The following HCK variants were observed in gnomAD, a reference collection of about 807,000 sequenced individuals.
HCK encodes tyrosine-protein kinase HCK.
Under a neutral mutation model 70.4 loss-of-function variants are expected in HCK, and 40 were observed. That is an observed-to-expected ratio of 0.57 (90% CI 0.44 to 0.74). The LOEUF is 0.74. Among genes scored for constraint, HCK ranks in the 30% least tolerant of loss-of-function variants. HCK has a pLI of 0.00. For missense variants in HCK, 568 were observed against 697.2 expected (o/e 0.81, Z 2.09); for synonymous variants, 245 against 263.2 (o/e 0.93, Z 0.67).
At chr20:32,078,234 A>G (rs2045656827) in intron 5 of HCK, among the ~76,000 whole-genome samples, 1 of 144,930 alleles carries the variant, frequency 6.9e-6, no homozygotes, top group Non-Finnish European at 1.5e-5. Flanking sequence ...TTTAGTCGAG[A>G]CGGGGTTTCA....
Position 32,101,472 on chromosome 20 carries a change from G to T in HCK, c.1534G>T (p.Asp512Tyr). The T allele has an allele frequency of 1.9e-6, 3 of 1,613,948 alleles. No homozygotes were observed. The highest frequency in any genetic ancestry group is 2.5e-6 in the Non-Finnish European group (3 of 1,179,954). Residue 512 changes from aspartate to tyrosine, a missense_variant, in exon 13 of 13, where the codon GAT becomes TAT. Asp to Tyr is a radical substitution (Grantham distance 160). Around this residue, in one of 4 missense-constraint regions of HCK, gnomAD observed 77 missense variants for 85.0 expected, o/e 0.91. Coordinates refer to ENST00000375852, the MANE Select transcript of HCK (RefSeq NM_002110.5). ...CTTCGAATACATCCAGAGTGTGCTG[G>T]ATGACTTCTACACGGCCACAGAGAG... is the stretch of plus-strand genomic sequence containing the variant.
intron 1 of HCK, among the ~76,000 whole-genome samples, chr20:32,052,859 G>C (rs2045201301): frequency 1.3e-5 from 2 of 151,830 alleles, no homozygotes; most frequent in South Asian, 4.2e-4. Flanking sequence ...AACCCGGGAA[G>C]GGGAAGGCCC....
At chr20:32,091,985 A>G (rs957808622) in intron 10 of HCK, among the ~76,000 whole-genome samples, 1 of 151,776 alleles carries the variant, frequency 6.6e-6, no homozygotes, top group Non-Finnish European at 1.5e-5. Flanking sequence ...CTCAAAAGAA[A>G]AAAAAAAAGA....
At chr20:32,093,803 G>A in intron 10 of HCK, 60 bp from the exon 11 acceptor site, 1 of 1,513,132 alleles carries the variant, frequency 6.6e-7, no homozygotes. Flanking sequence ...CTGCTTTTGG[G>A]TGGGGCCATC....
At chr20:32,100,450 CT>C (rs1569019165) in intron 12 of HCK, among the ~76,000 whole-genome samples, 1 of 152,142 alleles carries the variant, frequency 6.6e-6, no homozygotes. Context: ...AAAGATCTGA[CT>C]TGCTGACTTA....
chr20:32,088,223 T>TAA (rs1323435512), intron 9 of HCK, among the ~76,000 whole-genome samples: 1 of 152,180 alleles, frequency 6.6e-6, no homozygotes, highest in African/African-American at 2.4e-5. Flanking sequence ...CATTTTTTGA[T>TAA]AAACAGAATC....
chr20:32,066,331 T>TTTTTTTTTTTTTTTTTTTGA lies in HCK; in HGVS notation c.63-5331_63-5330insTTTTTTTTTTTTTTTTTTGA, dbSNP rs60044994. Among the ~76,000 whole-genome samples the TTTTTTTTTTTTTTTTTTTGA allele has an allele frequency of 1.1e-4, 9 of 81,910 alleles. 2 individuals carry two copies. In the East Asian group the frequency reaches 2.2e-3, roughly 20 times the overall value. The allele number at this position is 81,910 out of a possible 152,430, so 53.7% of individuals were successfully genotyped here. ...TTTTTTTTTTTTTTTTTTTTTTTTT[T>TTTTTTTTTTTTTTTTTTTGA]GACAGAGTCTTGCTCTGTTTCCCAG... On this transcript the variant is annotated intron_variant, in intron 1 of 12. Transcript: ENST00000375852.
At chr20:32,098,667 GC>G (rs906474125) in intron 11 of HCK, among the ~76,000 whole-genome samples, 1 of 152,110 alleles carries the variant, frequency 6.6e-6, no homozygotes, top group Admixed American at 6.6e-5. Flanking sequence ...TGGACTCAAG[GC>G]CCCCTGAAGT....
intron 8 of HCK, 42 bp downstream of exon 8, chr20:32,084,585 G>A (rs1326167131): frequency 6.4e-7 from 1 of 1,563,280 alleles, no homozygotes; most frequent in Non-Finnish European, 8.7e-7. Flanking sequence ...AGAGGGTGGA[G>A]GGGAGAGGGA....
chr20:32,086,714 G>A lies in HCK; in HGVS notation c.922G>A (p.Val308Met), dbSNP rs774332986. The A allele has an allele frequency of 3.1e-6, 5 of 1,613,250 alleles. No individual in the cohort carries two copies. Among genetic ancestry groups the A allele is most frequent in the South Asian group, 2.2e-5 (2 of 90,968 alleles). ...GGAGGCCTTCCTGGCAGAGGCCAACGTGATGAAAACTCTGCAGCATGACAA... is the reference window on the plus strand; with the variant it reads ...GGAGGCCTTCCTGGCAGAGGCCAACATGATGAAAACTCTGCAGCATGACAA... Residue 308 changes from valine (V) to methionine (M), a missense_variant, in exon 9 of 13, where the codon GTG (valine) becomes ATG (methionine). Coordinates refer to ENST00000375852, the MANE Select transcript of HCK (RefSeq NM_002110.5).
chr20:32,059,635 C>T (rs1461736617), intron 1 of HCK, among the ~76,000 whole-genome samples: 2 of 152,042 alleles, frequency 1.3e-5, no homozygotes, highest in Non-Finnish European at 2.9e-5. Context: ...CCACCTCAGC[C>T]TCCTGAGTAG....
Position 32,077,676 on chromosome 20 carries a change from G to A in HCK, c.429-2098G>A, listed in dbSNP as rs534805765. On this transcript the variant is annotated intron_variant, in intron 5 of 12. Transcript: ENST00000375852. The stretch of plus-strand genomic sequence containing the variant: ...CAAGTAGCTGGGATTACAGGCATGC[G>A]CCACCATACCTAGCTAATTTTGTAT... 8.5e-5 allele frequency among the ~76,000 whole-genome samples: 13 copies of A among 152,154 alleles called. No homozygotes were observed. The East Asian group carries it at 1.4e-3, about 16-fold the overall frequency.
chr20:32,065,438 T>C (rs1168147931), intron 1 of HCK, among the ~76,000 whole-genome samples: 1 of 152,156 alleles, frequency 6.6e-6, no homozygotes, highest in Non-Finnish European at 1.5e-5. Context: ...TCCTGAGGTG[T>C]ATAGGCCTCA....
At chr20:32,078,027 TTTTG>T (rs1237539986) in intron 5 of HCK, among the ~76,000 whole-genome samples, 9 of 150,930 alleles carry the variant, frequency 6.0e-5, no homozygotes, top group South Asian at 2.1e-4. Context: ...AGTTGGTTTT[TTTTG>T]TTTGTTTGTT....
At chr20:32,083,292 T>G (rs2045732781) in intron 6 of HCK, among the ~76,000 whole-genome samples, 1 of 152,194 alleles carries the variant, frequency 6.6e-6, no homozygotes, top group Non-Finnish European at 1.5e-5. Context: ...CCTTTTACCA[T>G]GTAAGGTAAC....
At chr20:32,093,824 C>T in intron 10 of HCK, 39 bp from the exon 11 acceptor site, 1 of 1,584,618 alleles carries the variant, frequency 6.3e-7, no homozygotes, top group Non-Finnish European at 8.6e-7. Context: ...TTGGCGTAGG[C>T]CAGGTCTGAG....
intron 4 of HCK, 147 bp downstream of exon 4, chr20:32,073,965 G>C: frequency 1.7e-6 from 1 of 599,812 alleles, no homozygotes; most frequent in South Asian, 1.9e-5. Context: ...AATAGTGGAG[G>C]AAGGGTTTGC....
rs780272384 is a variant in HCK, at chr20:32,058,037, C to T, written c.62+5551C>T. Among the ~76,000 whole-genome samples the T allele has an allele frequency of 3.3e-5, 5 of 152,180 alleles. No individual in the cohort carries two copies. The East Asian group carries it at 9.6e-4, about 29-fold the overall frequency. ...ACCTCCCTGAGTTCCAGGCATCACC[C>T]TGAAATCCTTTGGCCCAGGAGATGT... On this transcript the variant is annotated intron_variant, in intron 1 of 12. Coordinates refer to ENST00000375852, the MANE Select transcript of HCK (RefSeq NM_002110.5).
At chr20:32,063,029 C>T (rs945409103) in intron 1 of HCK, among the ~76,000 whole-genome samples, 1 of 152,144 alleles carries the variant, frequency 6.6e-6, no homozygotes, top group Admixed American at 6.5e-5. Context: ...CGCCCACAGC[C>T]TCTGGGGCTG....
Sources: allele counts gnomAD v4.1 joint callset (sites outside exome capture counted in the v4.1 genomes callset), GRCh38; gene constraint gnomAD v4.1.1; regional missense constraint gnomAD v4.1.1; transcripts MANE v1.5; gene names NCBI Gene and HGNC (gene_info 2026-07-23, HGNC 2026-07-21).